BBX: variants seen among roughly 807,000 people sequenced by gnomAD.
The protein encoded by BBX is HMG box transcription factor BBX.
A neutral mutation model predicts 100.2 loss-of-function variants in BBX; 30 were observed. That is an observed-to-expected ratio of 0.30 (90% confidence interval 0.22 to 0.41). The LOEUF is 0.41. Among genes scored for constraint, BBX ranks in the 10% least tolerant of loss-of-function variants. The pLI is 1.00. For missense variants in BBX, 1,023 were observed against 1,129.8 expected (o/e 0.91, Z 1.35); for synonymous variants, 376 against 388.1 (o/e 0.97, Z 0.37).
chr3:107,705,748 CTG>C (rs2061355109), intron 3 of BBX, among the ~76,000 whole-genome samples: 1 of 152,154 alleles, frequency 6.6e-6, no homozygotes, highest in South Asian at 2.1e-4. Flanking sequence ...CTTCTAGACA[CTG>C]TGCTGGGTAT....
intron 2 of BBX, among the ~76,000 whole-genome samples, chr3:107,602,612 G>A (rs1328717676): frequency 6.6e-6 from 1 of 152,170 alleles, no homozygotes; most frequent in Non-Finnish European, 1.5e-5. Flanking sequence ...ACAGGAGTTT[G>A]GAAGAAGTTG....
intron 2 of BBX, among the ~76,000 whole-genome samples, chr3:107,586,125 G>A (rs972912284): frequency 3.9e-5 from 6 of 152,000 alleles, no homozygotes; most frequent in African/African-American, 7.2e-5. Flanking sequence ...AAAAATAGAC[G>A]GTGATTATTT....
At chr3:107,682,965 T>A (rs1352167381) in intron 3 of BBX, among the ~76,000 whole-genome samples, 3 of 152,168 alleles carry the variant, frequency 2.0e-5, no homozygotes, top group Non-Finnish European at 2.9e-5. Flanking sequence ...AAATAACTTA[T>A]TGACTTTCTT....
intron 2 of BBX, among the ~76,000 whole-genome samples, chr3:107,629,036 T>C (rs963417510): frequency 4.6e-5 from 7 of 150,972 alleles, no homozygotes; most frequent in African/African-American, 1.5e-4. Context: ...TGAGCTGAGC[T>C]CTGGGAAGCT....
At chr3:107,549,441 G>A (rs565214041) in intron 2 of BBX, among the ~76,000 whole-genome samples, 2 of 152,228 alleles carry the variant, frequency 1.3e-5, no homozygotes, top group African/African-American at 4.8e-5. Context: ...ATGAGATAGG[G>A]ATCATACTCT....
Position 107,772,712 on chromosome 3 carries a change from T to A in BBX, c.991T>A (p.Leu331Ile). The change falls in exon 11 of 18, where the codon TTA becomes ATA. Residue 331 changes from leucine (L) to isoleucine (I), a missense_variant. Leu to Ile is a conservative substitution (Grantham distance 5). Around this residue, in one of 9 missense-constraint regions of BBX, gnomAD observed 348 missense variants for 353.2 expected, o/e 0.99. Coordinates refer to ENST00000325805, the MANE Select transcript of BBX (RefSeq NM_001142568.3). ...ATCCGATGGTGGAAGAATTAAAGAATTAGAGAAGGGAAAGGAAGAAAAAGA... is the reference window on the plus strand; with the variant it reads ...ATCCGATGGTGGAAGAATTAAAGAAATAGAGAAGGGAAAGGAAGAAAAAGA... ...KESDGGRIKELEKGKEEKEIK... is the reference protein window; with the variant it reads ...KESDGGRIKEIEKGKEEKEIK... 1 of 1,610,354 alleles carries A rather than the reference T, an allele frequency of 6.2e-7. No homozygotes were observed. The highest frequency in any genetic ancestry group is 8.5e-7 in the Non-Finnish European group (1 of 1,179,174).
intron 3 of BBX, chr3:107,684,587 A>C (rs984057219): frequency 6.6e-6 from 1 of 152,150 alleles, no homozygotes; most frequent in East Asian, 1.9e-4. Flanking sequence ...TGGCGGAGCA[A>C]AGGCAGCCAC....
chr3:107,557,241 A>G (rs1183707863), intron 2 of BBX, among the ~76,000 whole-genome samples: 2 of 152,212 alleles, frequency 1.3e-5, no homozygotes, highest in African/African-American at 4.8e-5. Context: ...CTTCTACTTG[A>G]TATACCACTC....
intron 2 of BBX, among the ~76,000 whole-genome samples, chr3:107,615,372 A>G (rs2055172319): frequency 6.6e-6 from 1 of 152,204 alleles, no homozygotes; most frequent in South Asian, 2.1e-4. Flanking sequence ...CTTATAAACA[A>G]CAGAAATTAA....
intron 2 of BBX, among the ~76,000 whole-genome samples, chr3:107,589,196 G>C (rs1304185256): frequency 6.6e-6 from 1 of 152,146 alleles, no homozygotes. Flanking sequence ...TATTACTTGA[G>C]CTTGTTATTT....
Position 107,802,905 on chromosome 3 carries a change from C to T in BBX, c.2738+1624C>T, listed in dbSNP as rs1394476714. ...CCCCACCCTAGTCCCCGGTCCTCTT[C>T]TCTCAGTCCTCCTGATGCCCTAGGC... is the stretch of plus-strand genomic sequence containing the variant. On this transcript the variant is annotated intron_variant, in intron 17 of 17. Transcript: ENST00000325805. 2.0e-5 allele frequency among the ~76,000 whole-genome samples: 3 copies of T among 152,352 alleles called. No homozygotes were observed. The East Asian group carries it at 5.8e-4, about 29-fold the overall frequency.
chr3:107,774,568 G>A (rs886361430), intron 11 of BBX, 151 bp from the exon 12 acceptor site: 4 of 751,674 alleles, frequency 5.3e-6, no homozygotes, highest in Non-Finnish European at 8.2e-6. Flanking sequence ...AGATGGTCCA[G>A]CATGAATCAC....
intron 2 of BBX, among the ~76,000 whole-genome samples, chr3:107,530,472 A>C (rs569565280): frequency 6.6e-6 from 1 of 152,372 alleles, no homozygotes; most frequent in Non-Finnish European, 1.5e-5. Context: ...GAAATCTTAA[A>C]AAATTAAAAA....
intron 2 of BBX, among the ~76,000 whole-genome samples, chr3:107,527,727 A>T (rs1484572338): frequency 2.6e-5 from 4 of 152,230 alleles, no homozygotes; most frequent in Non-Finnish European, 5.9e-5. Context: ...CATCACATAC[A>T]TAGCAGGCCA....
intron 3 of BBX, among the ~76,000 whole-genome samples, chr3:107,688,686 T>G (rs2059985839): frequency 6.6e-6 from 1 of 152,226 alleles, no homozygotes; most frequent in South Asian, 2.1e-4. Context: ...TTTATTATTA[T>G]ATAGGTTTTA....
At chr3:107,764,365 C>T (rs1204430291) in intron 10 of BBX, among the ~76,000 whole-genome samples, 2 of 152,180 alleles carry the variant, frequency 1.3e-5, no homozygotes, top group Non-Finnish European at 2.9e-5. Flanking sequence ...TCATAGACTA[C>T]CTCAGAACTA....
intron 3 of BBX, among the ~76,000 whole-genome samples, chr3:107,682,289 G>A (rs2059610757): frequency 6.6e-6 from 1 of 152,108 alleles, no homozygotes; most frequent in African/African-American, 2.4e-5. Context: ...TTCTTAAGCT[G>A]TCTCTGACAT....
chr3:107,798,849 AAC>A, intron 16 of BBX, 129 bp downstream of exon 16: 2 of 1,029,618 alleles, frequency 1.9e-6, no homozygotes, highest in African/African-American at 1.6e-5. Flanking sequence ...AAAAAAAAAA[AAC>A]AAAAACAAAA....
At chr3:107,543,879 C>G (rs1164135809) in intron 2 of BBX, among the ~76,000 whole-genome samples, 4 of 152,196 alleles carry the variant, frequency 2.6e-5, no homozygotes, top group Admixed American at 6.5e-5. Context: ...GTGAAAGGGT[C>G]ATTTAACTGA....
Sources: gnomAD v4.1 joint callset for allele counts (sites outside exome capture counted in the v4.1 genomes callset) on GRCh38, gnomAD v4.1.1 for gene constraint, gnomAD v4.1.1 regional missense constraint, MANE v1.5 for transcripts, NCBI Gene and HGNC (gene_info 2026-07-23, HGNC 2026-07-21) for gene names.